C8orf34: variants seen among roughly 807,000 people sequenced by gnomAD.
C8orf34 encodes chromosome 8 open reading frame 34, also known as uncharacterized protein C8orf34.
In C8orf34, 65 loss-of-function variants were observed where a neutral mutation model predicts 68.3. The observed-to-expected ratio is 0.95, with a 90% confidence interval of 0.78 to 1.17. C8orf34 has a LOEUF of 1.17. Ranked by LOEUF, C8orf34 falls within the 50% of genes most tolerant of loss-of-function variation. C8orf34 has a pLI of 0.00. For synonymous variants in C8orf34, 244 were observed against 241.2 expected (o/e 1.01, Z -0.11); for missense variants, 664 against 655.4 (o/e 1.01, Z -0.14).
At chr8:68,616,882 G>A (rs571151669) in intron 7 of C8orf34, among the ~76,000 whole-genome samples, 2 of 152,222 alleles carry the variant, frequency 1.3e-5, no homozygotes, top group Non-Finnish European at 2.9e-5. Flanking sequence ...AATGTTGACA[G>A]TGGGGTGTTA....
chr8:68,383,499 T>G (rs147499658), intron 1 of C8orf34, among the ~76,000 whole-genome samples: 1 of 152,330 alleles, frequency 6.6e-6, no homozygotes, highest in East Asian at 1.9e-4. Context: ...TTGAAATACA[T>G]ATTCCCTTCA....
intron 4 of C8orf34, among the ~76,000 whole-genome samples, chr8:68,473,827 A>G (rs1812483298): frequency 6.6e-6 from 1 of 152,160 alleles, no homozygotes; most frequent in Admixed American, 6.5e-5. Context: ...CAAATTGCCA[A>G]ATGGAATGAG....
chr8:68,345,412 T>G (rs1806238689), intron 1 of C8orf34, among the ~76,000 whole-genome samples: 1 of 151,936 alleles, frequency 6.6e-6, no homozygotes, highest in Admixed American at 6.6e-5. Context: ...GAAATATGTA[T>G]AGAAAAGCCA....
chr8:68,421,832 C>T (rs1563424904), intron 1 of C8orf34, among the ~76,000 whole-genome samples: 1 of 152,154 alleles, frequency 6.6e-6, no homozygotes, highest in Admixed American at 6.5e-5. Flanking sequence ...TGACTTACAG[C>T]CTGCATGGAT....
intron 1 of C8orf34, among the ~76,000 whole-genome samples, chr8:68,355,791 A>G (rs998369654): frequency 1.3e-5 from 2 of 152,202 alleles, no homozygotes; most frequent in Admixed American, 6.6e-5. Context: ...CAGTGACAAT[A>G]TGCTTTGGCA....
chr8:68,618,039 A>G (rs1251282256), intron 7 of C8orf34, among the ~76,000 whole-genome samples: 1 of 151,940 alleles, frequency 6.6e-6, no homozygotes, highest in South Asian at 2.1e-4. Context: ...TATTTGGACC[A>G]TCTATACCCT....
intron 12 of C8orf34, among the ~76,000 whole-genome samples, chr8:68,792,871 G>C (rs1413619955): frequency 1.3e-5 from 2 of 151,900 alleles, no homozygotes; most frequent in African/African-American, 4.8e-5. Flanking sequence ...TGATATGTGT[G>C]TGTATGAGTG....
chr8:68,568,115 A>G (rs1816651717), intron 7 of C8orf34, among the ~76,000 whole-genome samples: 1 of 152,132 alleles, frequency 6.6e-6, no homozygotes, highest in Admixed American at 6.6e-5. Context: ...TCACCATCTT[A>G]TATGGACAGA....
chr8:68,784,398 C>A (rs1554613446), intron 11 of C8orf34, among the ~76,000 whole-genome samples: 1 of 152,122 alleles, frequency 6.6e-6, no homozygotes, highest in Non-Finnish European at 1.5e-5. Flanking sequence ...TGCTGTTGAC[C>A]TTGGTCACCT....
chr8:68,750,172 C>T (rs550407044), intron 10 of C8orf34, among the ~76,000 whole-genome samples: 12 of 152,122 alleles, frequency 7.9e-5, no homozygotes, highest in Non-Finnish European at 1.6e-4. Flanking sequence ...CTTTACAAAA[C>T]TGTTCATAGC....
chr8:68,533,718 T>C, intron 7 of C8orf34: 1 of 949,804 alleles, frequency 1.1e-6, no homozygotes, highest in Non-Finnish European at 1.3e-6. Context: ...GATATCTTTT[T>C]ATATTTTTTA....
intron 1 of C8orf34, among the ~76,000 whole-genome samples, chr8:68,379,475 C>T (rs1354081739): frequency 2.6e-5 from 4 of 152,208 alleles, no homozygotes; most frequent in African/African-American, 9.7e-5. Context: ...TCCACAGCAG[C>T]GCTGACTGAG....
intron 7 of C8orf34, among the ~76,000 whole-genome samples, chr8:68,556,741 A>G (rs1816268038): frequency 6.6e-6 from 1 of 152,184 alleles, no homozygotes; most frequent in Non-Finnish European, 1.5e-5. Context: ...AAAGAACTGC[A>G]AAGTTCTTGT....
intron 7 of C8orf34, among the ~76,000 whole-genome samples, chr8:68,554,615 T>G (rs1463566038): frequency 6.6e-6 from 1 of 152,178 alleles, no homozygotes; most frequent in African/African-American, 2.4e-5. Context: ...TATTAAGCAT[T>G]GCTACAGGTT....
intron 1 of C8orf34, among the ~76,000 whole-genome samples, chr8:68,425,880 G>GA (rs1810190669): frequency 1.3e-5 from 2 of 152,176 alleles, no homozygotes; most frequent in South Asian, 2.1e-4. Flanking sequence ...CCCGATATGT[G>GA]AATTAATTTT....
At chr8:68,619,829 C>T (rs7840013) in intron 7 of C8orf34, among the ~76,000 whole-genome samples, 44,861 of 151,946 alleles carry the variant, frequency 0.3, 8,435 homozygotes, top group African/African-American at 0.55. Context: ...AAGGAAGGTA[C>T]CCAGCTGATA....
At chr8:68,332,052 G>A (rs947962895) in intron 1 of C8orf34, among the ~76,000 whole-genome samples, 1 of 151,516 alleles carries the variant, frequency 6.6e-6, no homozygotes, top group African/African-American at 2.4e-5. Flanking sequence ...AAGCACACAC[G>A]TATTTGTGGA....
intron 1 of C8orf34, among the ~76,000 whole-genome samples, chr8:68,369,674 G>T (rs1807472291): frequency 6.6e-6 from 1 of 152,174 alleles, no homozygotes; most frequent in Non-Finnish European, 1.5e-5. Context: ...CCCATAGTAA[G>T]GCATTGTACC....
At chr8:68,624,221 G>A (rs889803861) in intron 7 of C8orf34, among the ~76,000 whole-genome samples, 40 of 149,326 alleles carry the variant, frequency 2.7e-4, no homozygotes, top group Non-Finnish European at 4.3e-4. Flanking sequence ...GCAATGAGCC[G>A]AGATCACGCC....
Sources: allele counts gnomAD v4.1 joint callset (sites outside exome capture counted in the v4.1 genomes callset), GRCh38; gene constraint gnomAD v4.1.1; transcripts MANE v1.5; gene names NCBI Gene and HGNC (gene_info 2026-07-23, HGNC 2026-07-21).